PPM1H: variants seen among roughly 807,000 people sequenced by gnomAD.
PPM1H encodes protein phosphatase, Mg2+/Mn2+ dependent 1H.
Under a neutral mutation model 54.9 loss-of-function variants are expected in PPM1H, and 27 were observed. That is an observed-to-expected ratio of 0.49 (90% CI 0.36 to 0.68). The LOEUF is 0.68. PPM1H is among the 30% of genes least tolerant of loss of function. The pLI is 0.00. For missense variants in PPM1H, 596 were observed against 667.8 expected (o/e 0.89, Z 1.19); for synonymous variants, 305 against 270.8 (o/e 1.13, Z -1.24).
intron 8 of PPM1H, among the ~76,000 whole-genome samples, chr12:62,688,521 A>G (rs2136636167): frequency 6.6e-6 from 1 of 152,356 alleles, no homozygotes; most frequent in African/African-American, 2.4e-5. Context: ...AAAAATTTCT[A>G]AATGATATAT....
chr12:62,744,062 T>C (rs966278733), intron 4 of PPM1H, among the ~76,000 whole-genome samples: 2 of 152,040 alleles, frequency 1.3e-5, no homozygotes, highest in African/African-American at 2.4e-5. Context: ...ATTCAGACTT[T>C]TGACGTTATT....
chr12:62,926,981 AT>A (rs1871988940), intron 1 of PPM1H, among the ~76,000 whole-genome samples: 1 of 152,204 alleles, frequency 6.6e-6, no homozygotes, highest in Non-Finnish European at 1.5e-5. Context: ...ACAAAAAGAT[AT>A]TTAAATGGCT....
At chr12:62,688,429 A>T (rs890435700) in intron 8 of PPM1H, among the ~76,000 whole-genome samples, 6 of 46,634 alleles carry the variant, frequency 1.3e-4, no homozygotes, top group Non-Finnish European at 1.9e-4. Context: ...AAAAGTAATT[A>T]AAAAAAAAAA....
intron 9 of PPM1H, among the ~76,000 whole-genome samples, chr12:62,654,634 G>A (rs1016404542): frequency 4.6e-5 from 7 of 152,100 alleles, no homozygotes; most frequent in East Asian, 1.9e-4. Flanking sequence ...AACTTGCCTC[G>A]GTCTCTCACT....
At chr12:62,918,170 AGCCACAGACTG>A (rs1335106163) in intron 1 of PPM1H, among the ~76,000 whole-genome samples, 1 of 152,182 alleles carries the variant, frequency 6.6e-6, no homozygotes, top group East Asian at 1.9e-4. Flanking sequence ...TGCTTGCTGA[AGCCACAGACTG>A]GCTAGGGAAA....
intron 3 of PPM1H, among the ~76,000 whole-genome samples, chr12:62,799,483 A>T (rs1261433755): frequency 6.6e-6 from 1 of 152,202 alleles, no homozygotes; most frequent in African/African-American, 2.4e-5. Flanking sequence ...CCATTGTCAA[A>T]TTTTTGCCTA....
At chr12:62,850,974 A>G (rs1869162513) in intron 1 of PPM1H, 2 of 152,214 alleles carry the variant, frequency 1.3e-5, no homozygotes, top group Admixed American at 1.3e-4. Flanking sequence ...AATTAAATTG[A>G]AGAAAAACCT....
In PPM1H at chr12:62,801,972, G is replaced by A. The variant is rs2076773283; in HGVS notation, c.600C>T (p.Pro200=). 6 of 1,612,874 alleles carry A rather than the reference G, an allele frequency of 3.7e-6. No homozygotes were observed. Among genetic ancestry groups the A allele is most frequent in the South Asian group, 1.1e-5 (1 of 91,004 alleles). Residue 200 remains proline, a synonymous_variant, in exon 3 of 10, where the codon CCC becomes CCT. Coordinates refer to ENST00000228705, the MANE Select transcript of PPM1H (RefSeq NM_020700.2). ...TCLGEEPENT[P]ANSRTLTRAA... ...CCCGGGTCAGAGTCCGGCTGTTGGCGGGCGTGTTCTCAGGCTCCTCCCCCA... is the reference window on the plus strand; with the variant it reads ...CCCGGGTCAGAGTCCGGCTGTTGGCAGGCGTGTTCTCAGGCTCCTCCCCCA...
At chr12:62,863,225 C>T (rs1592642097) in intron 1 of PPM1H, among the ~76,000 whole-genome samples, 3 of 151,880 alleles carry the variant, frequency 2.0e-5, no homozygotes, top group African/African-American at 4.8e-5. Context: ...ATGGGGGTCT[C>T]ACCATGTTGC....
intron 9 of PPM1H, among the ~76,000 whole-genome samples, chr12:62,661,910 G>A (rs1409893176): frequency 6.6e-6 from 1 of 152,126 alleles, no homozygotes; most frequent in Non-Finnish European, 1.5e-5. Context: ...GATAAACTGT[G>A]TTCCCCTTGC....
At chr12:62,800,577 T>A (rs1002059470) in intron 3 of PPM1H, among the ~76,000 whole-genome samples, 1 of 152,110 alleles carries the variant, frequency 6.6e-6, no homozygotes, top group Non-Finnish European at 1.5e-5. Flanking sequence ...GACCTTGCGA[T>A]CCACCCACCT....
intron 1 of PPM1H, among the ~76,000 whole-genome samples, chr12:62,911,184 G>A (rs1313334834): frequency 2.0e-5 from 3 of 152,248 alleles, no homozygotes; most frequent in African/African-American, 4.8e-5. Context: ...GTCCCTACAC[G>A]GCACTCCAAA....
At chr12:62,838,079 C>T (rs1214955797) in intron 1 of PPM1H, among the ~76,000 whole-genome samples, 2 of 152,224 alleles carry the variant, frequency 1.3e-5, no homozygotes, top group Non-Finnish European at 2.9e-5. Flanking sequence ...AGCTCCTGGC[C>T]TCAGAAGCAC....
intron 4 of PPM1H, among the ~76,000 whole-genome samples, chr12:62,762,829 A>G (rs902217990): frequency 6.6e-6 from 1 of 152,252 alleles, no homozygotes; most frequent in Non-Finnish European, 1.5e-5. Context: ...TAAGCTAAAA[A>G]TAGGGGCAAT....
At chr12:62,843,501 T>C (rs534770201) in intron 1 of PPM1H, among the ~76,000 whole-genome samples, 1 of 152,344 alleles carries the variant, frequency 6.6e-6, no homozygotes, top group South Asian at 2.1e-4. Flanking sequence ...TATCTTCTTA[T>C]AGCAACTGAG....
intron 1 of PPM1H, among the ~76,000 whole-genome samples, chr12:62,927,337 A>T (rs971955538): frequency 2.0e-5 from 3 of 152,236 alleles, no homozygotes; most frequent in African/African-American, 7.2e-5. Context: ...AAGCCCTTCA[A>T]TGGAATATTA....
At position 62,934,871 on chromosome 12, in the gene PPM1H, C is replaced by T; in HGVS notation, c.-135G>A. ...GGCCACTGGGACGCGCCGCGCGCGGCTCCCAGAGCCTAGTGCTGCAGGGGG... is the reference window on the plus strand; with the variant it reads ...GGCCACTGGGACGCGCCGCGCGCGGTTCCCAGAGCCTAGTGCTGCAGGGGG... On this transcript the variant is annotated 5_prime_UTR_variant, in exon 1 of 10. Coordinates refer to ENST00000228705, the MANE Select transcript of PPM1H (RefSeq NM_020700.2). The surrounding 1 kb of genome is among the most constrained non-coding windows in gnomAD (Gnocchi z 4.2). 1 of 875,382 alleles carries T rather than the reference C, an allele frequency of 1.1e-6. No individual in the cohort carries two copies. The highest frequency in any genetic ancestry group is 1.5e-6 in the Non-Finnish European group (1 of 670,356). The allele number at this position is 875,382 out of a possible 1,614,324, so 54.2% of individuals were successfully genotyped here. A position where few individuals can be genotyped will look rare whatever the true frequency, so the allele number is the denominator to read the frequency against.
At chr12:62,668,175 G>C (rs1048031135) in intron 8 of PPM1H, among the ~76,000 whole-genome samples, 5 of 152,142 alleles carry the variant, frequency 3.3e-5, no homozygotes, top group Non-Finnish European at 7.4e-5. Context: ...AGCCTCTCTT[G>C]GGCTAGGCCA....
rs1872277904 is a variant in PPM1H at position 62,934,849 on chromosome 12, C to T, written c.-113G>A. On this transcript the variant is annotated 5_prime_UTR_variant, in exon 1 of 10. Transcript: ENST00000228705. This position sits in a 1 kb window ranked among gnomAD's most constrained non-coding sequence, Gnocchi z 4.2. The stretch of plus-strand genomic sequence containing the variant: ...GCGCCGGGCGCACGGCGAGTCGGGC[C>T]ACTGGGACGCGCCGCGCGCGGCTCC... 1 of 1,089,000 alleles carries T rather than the reference C, an allele frequency of 9.2e-7. No homozygotes were observed. Among genetic ancestry groups the T allele is most frequent in the Non-Finnish European group, 1.2e-6 (1 of 857,138 alleles). The allele number at this position is 1,089,000 out of a possible 1,614,324, so 67.5% of individuals were successfully genotyped here.
Sources: gnomAD v4.1 joint callset for allele counts (sites outside exome capture counted in the v4.1 genomes callset) on GRCh38, gnomAD v4.1.1 for gene constraint, Gnocchi (gnomAD v3.1) non-coding constraint, MANE v1.5 for transcripts, NCBI Gene and HGNC (gene_info 2026-07-23, HGNC 2026-07-21) for gene names.